RBFOX1: variants seen among roughly 807,000 people sequenced by gnomAD.
The protein encoded by RBFOX1 is RNA binding protein fox-1 homolog 1.
Under a neutral mutation model 57.7 loss-of-function variants are expected in RBFOX1, and 8 were observed. The ratio of observed to expected loss-of-function variants is 0.14; its 90% CI spans 0.08 to 0.25. RBFOX1 has a LOEUF of 0.25. RBFOX1 is among the 10% of genes least tolerant of loss of function. The probability of loss-of-function intolerance (pLI) is 1.00; values close to 1 mark genes in which losing one functional copy is unlikely to be tolerated. For missense variants in RBFOX1, 611 were observed against 548.5 expected, an observed-to-expected ratio of 1.11 and a Z score of -1.14; for synonymous variants, 326 against 222.4, an observed-to-expected ratio of 1.47 and a Z score of -4.15.
intron 4 of RBFOX1, among the ~76,000 whole-genome samples, chr16:7,471,996 TGAG>T (rs2061639121): frequency 1.3e-5 from 2 of 152,152 alleles, no homozygotes; most frequent in Admixed American, 1.3e-4. Flanking sequence ...AGAGTACAAA[TGAG>T]GTAGTAGTGG....
chr16:6,229,790 G>A (rs1440103206), intron 1 of RBFOX1, among the ~76,000 whole-genome samples: 1 of 151,474 alleles, frequency 6.6e-6, no homozygotes, highest in African/African-American at 2.4e-5. Flanking sequence ...AAAATGAATA[G>A]TTATAAATAT....
intron 1 of RBFOX1, among the ~76,000 whole-genome samples, chr16:5,340,648 A>G (rs996928092): frequency 2.0e-5 from 3 of 152,220 alleles, no homozygotes; most frequent in Non-Finnish European, 4.4e-5. Flanking sequence ...CTTCCAGTGA[A>G]GTTAATATAA....
chr16:5,512,917 G>T lies in RBFOX1; in HGVS notation c.258+45663G>T, dbSNP rs115663760. Reference sequence around the variant, plus strand: ...TCCTCTGGACTGTGATGGTTTCTCAGACTTTCCTTGTTTTTTGAGACAGGG... The same window carrying T: ...TCCTCTGGACTGTGATGGTTTCTCATACTTTCCTTGTTTTTTGAGACAGGG... On this transcript the variant is annotated intron_variant, in intron 2 of 2. Coordinates refer to the RBFOX1 transcript ENST00000585867. Among the ~76,000 whole-genome samples, 822 of 152,200 alleles carry T rather than the reference G, an allele frequency of 5.4e-3. 12 individuals are homozygous for T. Among genetic ancestry groups the T allele is most frequent in the African/African-American group, 0.019 (789 of 41,524 alleles).
At chr16:7,454,926 C>G (rs564997383) in intron 4 of RBFOX1, among the ~76,000 whole-genome samples, 15 of 152,272 alleles carry the variant, frequency 9.9e-5, no homozygotes, top group African/African-American at 3.6e-4. Flanking sequence ...TTGGCCAGCC[C>G]TGGGCCAACC....
chr16:7,177,603 C>A (rs1013369242), intron 4 of RBFOX1, among the ~76,000 whole-genome samples: 1 of 152,112 alleles, frequency 6.6e-6, no homozygotes, highest in African/African-American at 2.4e-5. Flanking sequence ...GAACAGGTTG[C>A]TTGCTGTGAC....
intron 4 of RBFOX1, among the ~76,000 whole-genome samples, chr16:6,009,538 A>G (rs2094947598): frequency 6.6e-6 from 1 of 152,146 alleles, no homozygotes; most frequent in East Asian, 1.9e-4. Flanking sequence ...TGTAGATTTT[A>G]ATATATTTAT....
chr16:5,822,411 G>T (rs916479227), intron 3 of RBFOX1, among the ~76,000 whole-genome samples: 1 of 152,022 alleles, frequency 6.6e-6, no homozygotes, highest in Admixed American at 6.6e-5. Flanking sequence ...AATACCACCT[G>T]TACCCCAATA....
At chr16:5,763,017 A>G (rs922384469) in intron 3 of RBFOX1, among the ~76,000 whole-genome samples, 4 of 152,180 alleles carry the variant, frequency 2.6e-5, no homozygotes. Flanking sequence ...ATGAGCATGT[A>G]CTGTTTGCAC....
chr16:7,288,583 A>G (rs147091324), intron 4 of RBFOX1, among the ~76,000 whole-genome samples: 187 of 152,330 alleles, frequency 1.2e-3, no homozygotes, highest in African/African-American at 4.3e-3. Flanking sequence ...GCTCACACCT[A>G]TAACCCCAGT....
chr16:6,550,137 C>T (rs983878136), intron 2 of RBFOX1, among the ~76,000 whole-genome samples: 1 of 152,060 alleles, frequency 6.6e-6, no homozygotes, highest in African/African-American at 2.4e-5. Flanking sequence ...CCCTCTCCCT[C>T]CCCTCTCTCT....
rs565049986 is a variant in RBFOX1 at position 5,879,511 on chromosome 16, G to A, written c.351+12176G>A. ...TACCTGGCTAATTTTTGTATTTTTC[G>A]TGGAGACAGGGTTTCACCATGTTGG... On this transcript the variant is annotated intron_variant, in intron 4 of 19. Transcript: ENST00000641259. Among the ~76,000 whole-genome samples the A allele has an allele frequency of 9.2e-5, 14 of 152,210 alleles. No homozygotes were observed. In the South Asian group the frequency reaches 1.2e-3, roughly 14 times the overall value.
At chr16:6,000,119 C>G (rs1243111305) in intron 4 of RBFOX1, among the ~76,000 whole-genome samples, 1 of 151,998 alleles carries the variant, frequency 6.6e-6, no homozygotes, top group African/African-American at 2.4e-5. Context: ...CTCCTATTAT[C>G]TCATAGGACA....
intron 4 of RBFOX1, among the ~76,000 whole-genome samples, chr16:7,116,309 T>A (rs1275447392): frequency 6.6e-6 from 1 of 151,872 alleles, no homozygotes; most frequent in Non-Finnish European, 1.5e-5. Flanking sequence ...AGCCTAGGAG[T>A]AAAGGAAAAT....
intron 4 of RBFOX1, among the ~76,000 whole-genome samples, chr16:7,329,834 C>G (rs531130674): frequency 2.8e-4 from 43 of 152,264 alleles, no homozygotes; most frequent in Admixed American, 1.4e-3. Context: ...ATCCCCGGCA[C>G]AAGGTATAAC....
chr16:6,958,281 G>A (rs1488717077), intron 3 of RBFOX1, among the ~76,000 whole-genome samples: 2 of 152,194 alleles, frequency 1.3e-5, no homozygotes, highest in Non-Finnish European at 2.9e-5. Context: ...TTTGCTTTAT[G>A]AGGCAATTAT....
chr16:5,653,955 T>G (rs922034480), intron 3 of RBFOX1, among the ~76,000 whole-genome samples: 1 of 152,304 alleles, frequency 6.6e-6, no homozygotes, highest in South Asian at 2.1e-4. Flanking sequence ...TTTGTGGATG[T>G]TCTCAGATCC....
At chr16:7,129,334 C>G (rs964209728) in intron 4 of RBFOX1, among the ~76,000 whole-genome samples, 1 of 152,046 alleles carries the variant, frequency 6.6e-6, no homozygotes, top group Non-Finnish European at 1.5e-5. Flanking sequence ...GTCTTCATTT[C>G]TAAGATGAGG....
intron 3 of RBFOX1, among the ~76,000 whole-genome samples, chr16:6,793,930 A>T (rs1454046729): frequency 1.3e-5 from 2 of 152,136 alleles, no homozygotes. Flanking sequence ...CAGGGGAGTG[A>T]TCACATACTG....
chr16:5,704,931 A>G (rs982397219), intron 3 of RBFOX1, among the ~76,000 whole-genome samples: 1 of 152,162 alleles, frequency 6.6e-6, no homozygotes, highest in South Asian at 2.1e-4. Flanking sequence ...TCAACCAAAA[A>G]GTCATATGGG....
Sources: gnomAD v4.1 joint callset for allele counts (sites outside exome capture counted in the v4.1 genomes callset) on GRCh38, gnomAD v4.1.1 for gene constraint, MANE v1.5 for transcripts, NCBI Gene and HGNC (gene_info 2026-07-23, HGNC 2026-07-21) for gene names.